The following SYNE2 variants were observed in gnomAD, a reference collection of about 807,000 sequenced individuals.
The protein encoded by SYNE2 is spectrin repeat containing nuclear envelope protein 2.
In SYNE2, 431 loss-of-function variants were observed where a neutral mutation model predicts 856.3. That is an observed-to-expected ratio of 0.50 (90% CI 0.47 to 0.55). The LOEUF is 0.55. Ranked by LOEUF, SYNE2 falls within the 20% of genes least tolerant of loss-of-function variation. SYNE2 has a pLI of 0.00. For synonymous variants in SYNE2, 2,923 were observed against 2,872.3 expected, an observed-to-expected ratio of 1.02 and a Z score of -0.56; for missense variants, 8,129 against 8,023.2, an observed-to-expected ratio of 1.01 and a Z score of -0.50.
chr14:64,120,858 A>G (rs1033962608), intron 67 of SYNE2, 69 bp from the exon 68 acceptor site: 22 of 1,546,938 alleles, frequency 1.4e-5, no homozygotes, highest in Middle Eastern at 3.5e-4. Flanking sequence ...TAGTCCCATT[A>G]TTAGAATTGA....
intron 1 of SYNE2, among the ~76,000 whole-genome samples, chr14:63,813,854 C>A (rs1237102791): frequency 6.6e-6 from 1 of 152,168 alleles, no homozygotes; most frequent in East Asian, 1.9e-4. Flanking sequence ...GAGTTTGAGA[C>A]CAGCCTGGCC....
chr14:63,783,164 T>G (rs1467111709), intron 1 of SYNE2, among the ~76,000 whole-genome samples: 1 of 152,184 alleles, frequency 6.6e-6, no homozygotes, highest in Non-Finnish European at 1.5e-5. Context: ...TCCCATGCTA[T>G]TCTCATGATA....
intron 79 of SYNE2, among the ~76,000 whole-genome samples, chr14:64,139,020 G>T (rs1409109191): frequency 1.3e-5 from 2 of 151,426 alleles, no homozygotes; most frequent in East Asian, 3.9e-4. Context: ...GTCTCACTGT[G>T]TCACCCAGGC....
Position 63,909,124 on chromosome 14 carries a change from G to T in SYNE2, c.-25G>T. 6.6e-7 allele frequency: 1 copy of T among 1,509,232 alleles called. No homozygotes were observed. The highest frequency in any genetic ancestry group is 9.2e-7 in the Non-Finnish European group (1 of 1,084,586). The allele number at this position is 1,509,232 out of a possible 1,614,324, so 93.5% of individuals were successfully genotyped here. A position where few individuals can be genotyped will look rare whatever the true frequency, so the allele number is the denominator to read the frequency against. ...TCACTTCTTCAACTGAGATGGACAT[G>T]ATATAATCTCCATTGAGTCAAAGAA... is the stretch of plus-strand genomic sequence containing the variant. On this transcript the variant is annotated 5_prime_UTR_variant, in exon 2 of 116. An upstream start codon of the reference 5' UTR is lost. Transcript: ENST00000555002.
rs1017366104 is a variant in SYNE2 at position 64,220,502 on chromosome 14, A to G, written c.19926A>G (p.Glu6642=). The G allele has an allele frequency of 3.1e-6, 5 of 1,614,028 alleles. No individual in the cohort carries two copies. The African/African-American group carries it at 5.3e-5, about 17-fold the overall frequency. ...TCTCTGTCAACGTGAGCAGCAAGGAATTTCTGCAAACCGAGAGCCCCGAAT... is the reference window on the plus strand; with the variant it reads ...TCTCTGTCAACGTGAGCAGCAAGGAGTTTCTGCAAACCGAGAGCCCCGAAT... The part of the protein sequence containing the change: ...LVVSVNVSSK[E]FLQTESPEST... The change falls in exon 111 of 116, where the codon GAA becomes GAG. Residue 6642 remains glutamate (E), a synonymous_variant. Transcript: ENST00000555002.
intron 60 of SYNE2, 37 bp from the exon 61 acceptor site, chr14:64,093,312 A>G (rs867315689): frequency 6.2e-7 from 1 of 1,611,592 alleles, no homozygotes; most frequent in Middle Eastern, 1.8e-4. Context: ...TGCTTAGATT[A>G]TGACAAAGAT....
intron 67 of SYNE2, among the ~76,000 whole-genome samples, chr14:64,120,480 T>C (rs183475773): frequency 1.7e-3 from 257 of 152,328 alleles, no homozygotes; most frequent in Non-Finnish European, 3.1e-3. Flanking sequence ...TAAATCATAG[T>C]AGGCTGGGTG....
At chr14:63,805,889 A>G (rs569173306) in intron 1 of SYNE2, among the ~76,000 whole-genome samples, 5 of 152,348 alleles carry the variant, frequency 3.3e-5, no homozygotes, top group African/African-American at 1.2e-4. Flanking sequence ...GGCAGAGGCC[A>G]TGGGGTTTTC....
intron 1 of SYNE2, among the ~76,000 whole-genome samples, chr14:63,814,466 T>TCATATATATATATGTC (rs1888756587): frequency 7.5e-6 from 1 of 132,628 alleles, no homozygotes; most frequent in South Asian, 2.3e-4. Context: ...TCCTTATATA[T>TCATATATATATATGTC]CATATATAAT....
chr14:63,916,537 A>G (rs938734070), intron 2 of SYNE2, among the ~76,000 whole-genome samples: 1 of 149,048 alleles, frequency 6.7e-6, no homozygotes, highest in African/African-American at 2.6e-5. Flanking sequence ...TTTTATTATG[A>G]GTGAGTGGCC....
chr14:64,018,341 A>AT (rs2096910327), intron 34 of SYNE2, among the ~76,000 whole-genome samples: 1 of 152,056 alleles, frequency 6.6e-6, no homozygotes, highest in South Asian at 2.1e-4. Context: ...CTAGGTTCAC[A>AT]TGATTCTCCT....
At chr14:63,788,803 G>A (rs1262244865) in intron 1 of SYNE2, among the ~76,000 whole-genome samples, 1 of 152,226 alleles carries the variant, frequency 6.6e-6, no homozygotes, top group Non-Finnish European at 1.5e-5. Flanking sequence ...ACAATATGGA[G>A]TTTCCCCCAG....
At chr14:63,824,528 A>T (rs189316654) in intron 1 of SYNE2, among the ~76,000 whole-genome samples, 2 of 151,906 alleles carry the variant, frequency 1.3e-5, no homozygotes, top group Admixed American at 6.6e-5. Context: ...AATCCCAGCT[A>T]GTTGGGAGGC....
At chr14:63,882,096 T>A (rs2094878876) in intron 1 of SYNE2, among the ~76,000 whole-genome samples, 1 of 152,116 alleles carries the variant, frequency 6.6e-6, no homozygotes, top group Non-Finnish European at 1.5e-5. Flanking sequence ...CCGTAGATCC[T>A]TGTGTAATAG....
intron 2 of SYNE2, among the ~76,000 whole-genome samples, chr14:63,920,515 T>A (rs1373536381): frequency 1.3e-5 from 2 of 150,548 alleles, no homozygotes; most frequent in Non-Finnish European, 3.0e-5. Flanking sequence ...TATAAACATA[T>A]AGGGGTCTGG....
intron 1 of SYNE2, among the ~76,000 whole-genome samples, chr14:63,884,695 C>G (rs879638215): frequency 3.3e-5 from 5 of 151,894 alleles, no homozygotes; most frequent in Non-Finnish European, 7.4e-5. Context: ...ATTCTTTGGC[C>G]GTGTTTGTAG....
chr14:64,219,106 T>TTTTTTTTTTG lies in SYNE2; in HGVS notation c.19658-93_19658-92insGTTTTTTTTT, dbSNP rs1555556068. 8.4e-6 allele frequency: 4 copies of TTTTTTTTTTG among 478,274 alleles called. No individual in the cohort carries two copies. The East Asian group carries it at 1.8e-4, about 22-fold the overall frequency. 29.6% of individuals were successfully genotyped at this position (478,274 alleles called of 1,614,324 possible). A position where few individuals can be genotyped will look rare whatever the true frequency, so the allele number is the denominator to read the frequency against. ...GGGGAATCCCCTACAGTTTTTTTGT[T>TTTTTTTTTTG]TTTTTTTTTTTTTTTTTTAACCACC... On this transcript the variant is annotated intron_variant, in intron 109 of 115. Coordinates refer to ENST00000555002, the MANE Select transcript of SYNE2 (RefSeq NM_182914.3).
At chr14:64,201,893 G>A (rs562948063) in intron 99 of SYNE2, among the ~76,000 whole-genome samples, 1 of 152,162 alleles carries the variant, frequency 6.6e-6, no homozygotes, top group Non-Finnish European at 1.5e-5. Flanking sequence ...CCCACAGAAC[G>A]CCAGGACAGA....
chr14:64,028,953 T>G (rs1254762990), intron 43 of SYNE2, among the ~76,000 whole-genome samples: 2 of 152,092 alleles, frequency 1.3e-5, no homozygotes, highest in African/African-American at 4.8e-5. Context: ...CTGGCCAACA[T>G]GGTGAAACCA....
Sources: gnomAD v4.1 joint callset for allele counts (sites outside exome capture counted in the v4.1 genomes callset) on GRCh38, gnomAD v4.1.1 for gene constraint, MANE v1.5 for transcripts, NCBI Gene and HGNC (gene_info 2026-07-23, HGNC 2026-07-21) for gene names.